MAP1B: variants seen among roughly 807,000 people sequenced by gnomAD.
The protein encoded by MAP1B is microtubule associated protein 1B.
A neutral mutation model predicts 176.1 loss-of-function variants in MAP1B; 12 were observed. That is an observed-to-expected ratio of 0.07 (90% CI 0.04 to 0.11). MAP1B has a LOEUF of 0.11. Among genes scored for constraint, MAP1B ranks in the 10% least tolerant of loss-of-function variants. The probability of loss-of-function intolerance (pLI) is 1.00; values close to 1 mark genes in which losing one functional copy is unlikely to be tolerated. For missense variants in MAP1B, 2,523 were observed against 2,990.5 expected (o/e 0.84, Z 3.65); for synonymous variants, 1,044 against 1,135.0 (o/e 0.92, Z 1.61).
chr5:72,152,897 C>G (rs1746167878), intron 2 of MAP1B, among the ~76,000 whole-genome samples: 1 of 151,956 alleles, frequency 6.6e-6, no homozygotes, highest in African/African-American at 2.4e-5. Context: ...GCTCGCTGGG[C>G]CTGCTGGGTC....
At position 72,204,994 on chromosome 5, in the gene MAP1B, T is replaced by A. The variant is rs534560492; in HGVS notation, c.7252-90T>A. 3.4e-5 allele frequency: 30 copies of A among 882,962 alleles called. No homozygotes were observed. The South Asian group carries it at 6.6e-4, about 20-fold the overall frequency. 54.7% of individuals were successfully genotyped at this position (882,962 alleles called of 1,614,324 possible). ...AGTTTTCTCTCATTTCCCTTCTTCTTCCAGTGGTCTAATACCTTGCTATTC... is the reference window on the plus strand; with the variant it reads ...AGTTTTCTCTCATTTCCCTTCTTCTACCAGTGGTCTAATACCTTGCTATTC... On this transcript the variant is annotated intron_variant, in intron 6 of 6. Transcript: ENST00000296755. The surrounding 1 kb of genome is among the most constrained non-coding windows in gnomAD (Gnocchi z 4.4).
chr5:72,191,868 G>T (rs1210770357), intron 4 of MAP1B, among the ~76,000 whole-genome samples: 1 of 152,112 alleles, frequency 6.6e-6, no homozygotes, highest in Admixed American at 6.5e-5. Flanking sequence ...GCATTTCATA[G>T]AAATTCTCTG....
In MAP1B at chr5:72,196,781, G is replaced by A. The variant is rs1233487371; in HGVS notation, c.3426G>A (p.Val1142=). 1.2e-6 allele frequency: 2 copies of A among 1,613,978 alleles called. No individual in the cohort carries two copies. The highest frequency in any genetic ancestry group is 2.7e-5 in the African/African-American group (2 of 74,900). Residue 1142 remains valine (V), a synonymous_variant, in exon 5 of 7, where the codon GTG becomes GTA. Transcript: ENST00000296755. The surrounding 1 kb of genome is among the most constrained non-coding windows in gnomAD (Gnocchi z 5.3). The part of the protein sequence containing the change: ...PMDEMSTPRD[V]MSDETNNEET... ...ATGAGATGTCTACCCCTCGAGACGTGATGAGTGATGAGACCAACAATGAAG... is the reference window on the plus strand; with the variant it reads ...ATGAGATGTCTACCCCTCGAGACGTAATGAGTGATGAGACCAACAATGAAG...
intron 2 of MAP1B, among the ~76,000 whole-genome samples, chr5:72,149,662 C>T (rs1381822429): frequency 1.4e-4 from 22 of 152,176 alleles, no homozygotes; most frequent in Admixed American, 1.4e-3. Flanking sequence ...CCTCTTCTGT[C>T]ACCCCTCTGT....
At chr5:72,183,097 G>A (rs547562828) in intron 2 of MAP1B, among the ~76,000 whole-genome samples, 1 of 152,324 alleles carries the variant, frequency 6.6e-6, no homozygotes, top group African/African-American at 2.4e-5. Flanking sequence ...TTGCTTTGTT[G>A]TTCTCTGTCC....
At chr5:72,117,875 G>T (rs1262430646) in intron 2 of MAP1B, among the ~76,000 whole-genome samples, 1 of 152,166 alleles carries the variant, frequency 6.6e-6, no homozygotes, top group Non-Finnish European at 1.5e-5. Flanking sequence ...TCCTGTGTGG[G>T]GAGCATGAAG....
At position 72,195,342 on chromosome 5, in the gene MAP1B, AAGG is replaced by A. The variant is rs2112234066; in HGVS notation, c.1992_1994del (p.Glu664del). 1.2e-6 allele frequency: 2 copies of A among 1,600,844 alleles called. No individual in the cohort carries two copies. The highest frequency in any genetic ancestry group is 8.5e-7 in the Non-Finnish European group (1 of 1,174,718). On this transcript the variant is annotated inframe_deletion, in exon 5 of 7. Coordinates refer to ENST00000296755, the MANE Select transcript of MAP1B (RefSeq NM_005909.5). ...AAAGCCAAAGAAAGAAGTGGCTAAAAAGGAGGACAAAACACCTATCAAGAAGGA... is the reference window on the plus strand; with the variant it reads ...AAAGCCAAAGAAAGAAGTGGCTAAAAAGGACAAAACACCTATCAAGAAGGA...
At chr5:72,200,720 A>T (rs1176996801) in intron 5 of MAP1B, among the ~76,000 whole-genome samples, 1 of 152,186 alleles carries the variant, frequency 6.6e-6, no homozygotes, top group Non-Finnish European at 1.5e-5. Context: ...CTGGCCTCAG[A>T]ATCCAGCAGG....
chr5:72,128,407 T>TA (rs1561293055), intron 2 of MAP1B, among the ~76,000 whole-genome samples: 5 of 120,404 alleles, frequency 4.2e-5, no homozygotes, highest in African/African-American at 1.3e-4. Context: ...AGATATTGTT[T>TA]TAAAAAAAAA....
chr5:72,166,651 T>C (rs771889998), intron 2 of MAP1B, among the ~76,000 whole-genome samples: 15 of 152,222 alleles, frequency 9.9e-5, no homozygotes, highest in Non-Finnish European at 1.8e-4. Flanking sequence ...GAGGCCGAGC[T>C]AATCCTCCCT....
chr5:72,119,543 C>T (rs780284591), intron 2 of MAP1B, among the ~76,000 whole-genome samples: 22 of 152,186 alleles, frequency 1.4e-4, no homozygotes, highest in Non-Finnish European at 1.5e-5. Context: ...TTAGCTATGT[C>T]ATCGCCCAGG....
At position 72,199,510 on chromosome 5, in the gene MAP1B, C is replaced by A; in HGVS notation, c.6155C>A (p.Pro2052His). The change falls in exon 5 of 7, where the codon CCT becomes CAT. Residue 2052 changes from proline (P) to histidine (H), a missense_variant. Transcript: ENST00000296755. This position sits in a 1 kb window ranked among gnomAD's most constrained non-coding sequence, Gnocchi z 4.2. ...YETAEKITRT[P>H]QASTYSYETS... ...ACTGCAGAGAAAATCACTAGAACCC[C>A]TCAGGCATCCACATATTCCTACGAG... is the stretch of plus-strand genomic sequence containing the variant. The A allele has an allele frequency of 6.2e-7, 1 of 1,614,190 alleles. No homozygotes were observed. The highest frequency in any genetic ancestry group is 2.2e-5 in the East Asian group (1 of 44,884).
At chr5:72,121,147 G>A (rs771764843) in intron 2 of MAP1B, among the ~76,000 whole-genome samples, 8 of 152,180 alleles carry the variant, frequency 5.3e-5, no homozygotes, top group Admixed American at 2.0e-4. Flanking sequence ...TCCTGTGGGT[G>A]CCCACGCAAG....
intron 2 of MAP1B, among the ~76,000 whole-genome samples, chr5:72,155,208 T>C (rs1746207056): frequency 6.6e-6 from 1 of 152,198 alleles, no homozygotes; most frequent in Non-Finnish European, 1.5e-5. Context: ...AGTGATCCTA[T>C]GTTTGGTACA....
In MAP1B at chr5:72,186,111, C is replaced by T. The variant is rs538658417; in HGVS notation, c.370-503C>T. Reference sequence around the variant, plus strand: ...GTGCTTGCTGCACGCCTTGGAAGGGCATATGGGAGGGGTTGGTTTGGGACC... The same window carrying T: ...GTGCTTGCTGCACGCCTTGGAAGGGTATATGGGAGGGGTTGGTTTGGGACC... On this transcript the variant is annotated intron_variant, in intron 3 of 6. Transcript: ENST00000296755. The surrounding 1 kb of genome is among the most constrained non-coding windows in gnomAD (Gnocchi z 4.3). Among the ~76,000 whole-genome samples the T allele has an allele frequency of 5.9e-5, 9 of 152,254 alleles. No homozygotes were observed. The East Asian group carries it at 1.7e-3, about 29-fold the overall frequency.
At position 72,183,993 on chromosome 5, in the gene MAP1B, G is replaced by A. The variant is rs147837878; in HGVS notation, c.369+168G>A. On this transcript the variant is annotated intron_variant, in intron 3 of 6. Coordinates refer to ENST00000296755, the MANE Select transcript of MAP1B (RefSeq NM_005909.5). ...CATTAAGTGGCTGGTTCCCTGCATC[G>A]GTACCATCCAGACCACTCCTCCTGA... Among the ~76,000 whole-genome samples, 416 of 152,260 alleles carry A rather than the reference G, an allele frequency of 2.7e-3. 1 individual carries two copies. The highest frequency in any genetic ancestry group is 5.0e-3 in the Admixed American group (76 of 15,294).
chr5:72,167,302 A>G (rs1044605156), intron 2 of MAP1B, among the ~76,000 whole-genome samples: 1 of 152,234 alleles, frequency 6.6e-6, no homozygotes, highest in Non-Finnish European at 1.5e-5. Context: ...TTAAAACAAG[A>G]AGCAAAAATT....
chr5:72,192,769 G>A (rs1168411428), intron 4 of MAP1B, among the ~76,000 whole-genome samples: 2 of 152,174 alleles, frequency 1.3e-5, no homozygotes, highest in Non-Finnish European at 2.9e-5. Flanking sequence ...TTACTGAGAC[G>A]GAAAGAATAT....
At position 72,196,446 on chromosome 5, in the gene MAP1B, G is replaced by A. The variant is rs758122014; in HGVS notation, c.3091G>A (p.Glu1031Lys). 8 of 1,613,914 alleles carry A rather than the reference G, an allele frequency of 5.0e-6. No individual in the cohort carries two copies. In the Admixed American group the frequency reaches 1.0e-4, roughly 20 times the overall value. Reference sequence around the variant, plus strand: ...GGAGGACAAAGCTGAAGATGCCAGAGAGGAGGAATATGAGCCGGAAAAAAT... The same window carrying A: ...GGAGGACAAAGCTGAAGATGCCAGAAAGGAGGAATATGAGCCGGAAAAAAT... The part of the protein sequence containing the change: ...DEEDKAEDAR[E>K]EEYEPEKMEA... Residue 1031 changes from glutamate (E) to lysine (K), a missense_variant, in exon 5 of 7, where the codon GAG becomes AAG. By Grantham distance (56) the Glu-to-Lys change is moderately conservative (BLOSUM62 1). Around this residue, in one of 4 missense-constraint regions of MAP1B, gnomAD observed 1,925 missense variants for 2,126.0 expected, o/e 0.91. Transcript: ENST00000296755. The surrounding 1 kb of genome is among the most constrained non-coding windows in gnomAD (Gnocchi z 5.3).
Sources: allele counts gnomAD v4.1 joint callset (sites outside exome capture counted in the v4.1 genomes callset), GRCh38; gene constraint gnomAD v4.1.1; regional missense constraint gnomAD v4.1.1; non-coding constraint Gnocchi (gnomAD v3.1); transcripts MANE v1.5; gene names NCBI Gene and HGNC (gene_info 2026-07-23, HGNC 2026-07-21).